The following TRAPPC9 variants were observed in gnomAD, a reference collection of about 807,000 sequenced individuals.
TRAPPC9 encodes the protein IKK2 binding protein.
In TRAPPC9, 83 loss-of-function variants were observed where a neutral mutation model predicts 124.0. The observed-to-expected ratio is 0.67, with a 90% CI of 0.56 to 0.80. The LOEUF is 0.80. TRAPPC9 is among the 30% of genes least tolerant of loss of function. The probability of loss-of-function intolerance (pLI) is 0.00; values close to 1 mark genes in which losing one functional copy is unlikely to be tolerated. For missense variants in TRAPPC9, 1,302 were observed against 1,508.3 expected (o/e 0.86, Z 2.27); for synonymous variants, 638 against 617.5 (o/e 1.03, Z -0.49).
chr8:140,156,909 T>C (rs2061640612), intron 17 of TRAPPC9, among the ~76,000 whole-genome samples: 1 of 152,086 alleles, frequency 6.6e-6, no homozygotes, highest in Admixed American at 6.6e-5. Context: ...CAGAAAGCTA[T>C]TGTGCTGCAG....
chr8:139,979,749 A>C (rs570234159), intron 19 of TRAPPC9, among the ~76,000 whole-genome samples: 2 of 152,082 alleles, frequency 1.3e-5, no homozygotes, highest in African/African-American at 4.8e-5. Context: ...AGGCTGGGGA[A>C]CCAAGAGACC....
intron 20 of TRAPPC9, among the ~76,000 whole-genome samples, chr8:139,903,800 G>A (rs759486405): frequency 6.6e-6 from 1 of 152,148 alleles, no homozygotes; most frequent in African/African-American, 2.4e-5. Flanking sequence ...CAGCACTTTG[G>A]GAGGCCGAAG....
chr8:139,847,634 G>A (rs927501463), intron 21 of TRAPPC9, among the ~76,000 whole-genome samples: 2 of 150,962 alleles, frequency 1.3e-5, no homozygotes, highest in African/African-American at 4.9e-5. Flanking sequence ...ATGGGCACGA[G>A]CACCTGCCTT....
intron 17 of TRAPPC9, among the ~76,000 whole-genome samples, chr8:140,130,862 A>C (rs1005433727): frequency 1.3e-5 from 2 of 152,200 alleles, no homozygotes; most frequent in Non-Finnish European, 2.9e-5. Flanking sequence ...TTTAAAAATC[A>C]CACAGAAAAA....
intron 19 of TRAPPC9, among the ~76,000 whole-genome samples, chr8:139,956,135 C>T (rs2614738): frequency 0.39 from 59,329 of 151,936 alleles, 13,047 homozygotes; most frequent in Non-Finnish European, 0.49. Flanking sequence ...TCGTGCATTT[C>T]ACCCTACATG....
chr8:140,261,299 G>A (rs1466539623), intron 15 of TRAPPC9, among the ~76,000 whole-genome samples: 3 of 152,292 alleles, frequency 2.0e-5, no homozygotes, highest in East Asian at 3.9e-4. Flanking sequence ...CATGGCAGGC[G>A]CTATGCTAGG....
At chr8:139,926,613 A>AAT (rs1832833191) in intron 19 of TRAPPC9, among the ~76,000 whole-genome samples, 1 of 151,424 alleles carries the variant, frequency 6.6e-6, no homozygotes, top group Non-Finnish European at 1.5e-5. Context: ...AAAATAAAAA[A>AAT]AAAAAAAAAA....
At chr8:139,875,970 C>A (rs1320945411) in intron 21 of TRAPPC9, among the ~76,000 whole-genome samples, 4 of 152,268 alleles carry the variant, frequency 2.6e-5, no homozygotes, top group Non-Finnish European at 5.9e-5. Flanking sequence ...CTGGGGCACC[C>A]ACTGCCACCA....
chr8:140,067,871 C>T (rs1467350366), intron 17 of TRAPPC9, among the ~76,000 whole-genome samples: 1 of 152,194 alleles, frequency 6.6e-6, no homozygotes, highest in Non-Finnish European at 1.5e-5. Flanking sequence ...AACTTCAGTG[C>T]TCTACAGGAC....
intron 9 of TRAPPC9, among the ~76,000 whole-genome samples, chr8:140,312,758 CTTTTTTTT>C (rs553049081): frequency 1.0e-5 from 1 of 98,580 alleles, no homozygotes; most frequent in South Asian, 2.9e-4. Context: ...TCTTCTTCTT[CTTTTTTTT>C]TTTTTTTTTT....
chr8:139,978,406 T>C (rs1388903666), intron 19 of TRAPPC9, among the ~76,000 whole-genome samples: 1 of 152,220 alleles, frequency 6.6e-6, no homozygotes, highest in Non-Finnish European at 1.5e-5. Flanking sequence ...TTGTTGATAA[T>C]GAGGAACTGT....
At chr8:139,981,488 C>A (rs912650944) in intron 19 of TRAPPC9, among the ~76,000 whole-genome samples, 1 of 152,164 alleles carries the variant, frequency 6.6e-6, no homozygotes, top group Non-Finnish European at 1.5e-5. Flanking sequence ...ATGAGCAATG[C>A]CAACACAGTA....
At chr8:140,189,673 G>A (rs910849474) in intron 17 of TRAPPC9, among the ~76,000 whole-genome samples, 1 of 146,126 alleles carries the variant, frequency 6.8e-6, no homozygotes, top group Non-Finnish European at 1.5e-5. Flanking sequence ...TTCTCCTTTA[G>A]AGTCTTCCCA....
At chr8:139,882,340 C>T (rs79091864) in intron 21 of TRAPPC9, among the ~76,000 whole-genome samples, 2,840 of 152,206 alleles carry the variant, frequency 0.019, 83 homozygotes, top group African/African-American at 0.064. Flanking sequence ...TGACGCAGCA[C>T]GTGGCTGGAC....
intron 15 of TRAPPC9, among the ~76,000 whole-genome samples, chr8:140,272,269 G>A (rs1185826779): frequency 7.0e-6 from 1 of 143,092 alleles, no homozygotes; most frequent in African/African-American, 2.5e-5. Flanking sequence ...TGGTGTTTGT[G>A]GTGGTGACGA....
intron 2 of TRAPPC9, among the ~76,000 whole-genome samples, chr8:140,442,505 G>A (rs2071054858): frequency 1.3e-5 from 2 of 151,782 alleles, no homozygotes; most frequent in Admixed American, 1.3e-4. Flanking sequence ...GGCTGAGGCA[G>A]GAGAATGGTG....
At chr8:140,208,010 G>A (rs2062967615) in intron 17 of TRAPPC9, among the ~76,000 whole-genome samples, 1 of 152,052 alleles carries the variant, frequency 6.6e-6, no homozygotes, top group Non-Finnish European at 1.5e-5. Flanking sequence ...AATTAGCCGA[G>A]TGTGGTGCAC....
intron 21 of TRAPPC9, among the ~76,000 whole-genome samples, chr8:139,866,018 TG>T (rs10706820): frequency 0.3 from 45,552 of 151,914 alleles, 8,187 homozygotes; most frequent in East Asian, 0.71. Context: ...GGTGGGGACA[TG>T]GGGGGCCTTC....
At chr8:140,339,523 A>C (rs2067136890) in intron 9 of TRAPPC9, among the ~76,000 whole-genome samples, 1 of 152,198 alleles carries the variant, frequency 6.6e-6, no homozygotes, top group South Asian at 2.1e-4. Flanking sequence ...GCCAGGGAGA[A>C]GAGAAGTTCA....
Sources: allele counts gnomAD v4.1 joint callset (sites outside exome capture counted in the v4.1 genomes callset), GRCh38; gene constraint gnomAD v4.1.1; transcripts MANE v1.5; gene names NCBI Gene and HGNC (gene_info 2026-07-23, HGNC 2026-07-21).